Variants in FAM135B observed in about 807,000 individuals in gnomAD.
FAM135B encodes the protein protein FAM135B.
FAM135B carries 43 observed loss-of-function variants against 127.7 expected under a neutral mutation model. The ratio of observed to expected loss-of-function variants is 0.34; its 90% CI spans 0.26 to 0.43. FAM135B has a LOEUF of 0.43. Ranked by LOEUF, FAM135B falls within the 20% of genes least tolerant of loss-of-function variation. The pLI is 1.00. For synonymous variants in FAM135B, 670 were observed against 665.1 expected (o/e 1.01, Z -0.11); for missense variants, 1,558 against 1,725.6 (o/e 0.90, Z 1.72).
intron 1 of FAM135B, among the ~76,000 whole-genome samples, chr8:138,420,569 C>A (rs902899492): frequency 5.3e-5 from 8 of 151,828 alleles, no homozygotes; most frequent in Admixed American, 3.9e-4. Flanking sequence ...GAAAACAGTC[C>A]ACTATCCTTG....
At chr8:138,383,466 C>T (rs16909050) in intron 1 of FAM135B, among the ~76,000 whole-genome samples, 5,024 of 152,264 alleles carry the variant, frequency 0.033, 230 homozygotes, top group African/African-American at 0.11. Flanking sequence ...GGATCCCAAG[C>T]ATTCTGCTCT....
At chr8:138,449,844 C>T (rs971960640) in intron 1 of FAM135B, among the ~76,000 whole-genome samples, 6 of 152,136 alleles carry the variant, frequency 3.9e-5, no homozygotes, top group South Asian at 2.1e-4. Context: ...TCCGAGTTCA[C>T]ATTAGGATTC....
In FAM135B at chr8:138,335,045, AT is replaced by A. The variant is rs952465577; in HGVS notation, c.78-24126del. On this transcript the variant is annotated intron_variant, in intron 2 of 19. Transcript: ENST00000395297. ...CTTTGGTAATGATTCTGAGGAATAC[AT>A]TTTTTCTTATTCTGCATTTTCTAGT... 7.9e-5 allele frequency among the ~76,000 whole-genome samples: 12 copies of A among 152,274 alleles called. 1 individual carries two copies. The highest frequency in any genetic ancestry group is 2.9e-4 in the African/African-American group (12 of 41,546).
At chr8:138,258,983 A>G (rs1279376438) in intron 4 of FAM135B, among the ~76,000 whole-genome samples, 1 of 152,198 alleles carries the variant, frequency 6.6e-6, no homozygotes, top group African/African-American at 2.4e-5. Context: ...AAGAGTTATT[A>G]TTTGGCAGGT....
chr8:138,357,476 G>A (rs1385100556), intron 2 of FAM135B, among the ~76,000 whole-genome samples: 1 of 152,070 alleles, frequency 6.6e-6, no homozygotes, highest in Non-Finnish European at 1.5e-5. Flanking sequence ...ATATAAAATA[G>A]TTTGTGCCTA....
intron 3 of FAM135B, among the ~76,000 whole-genome samples, chr8:138,297,626 T>C (rs964783278): frequency 2.6e-5 from 4 of 152,196 alleles, no homozygotes; most frequent in African/African-American, 7.2e-5. Flanking sequence ...TCTAATCTTG[T>C]CACTGCTGCA....
intron 9 of FAM135B, among the ~76,000 whole-genome samples, chr8:138,186,281 T>G (rs1815565716): frequency 6.6e-6 from 1 of 152,226 alleles, no homozygotes; most frequent in Admixed American, 6.5e-5. Flanking sequence ...ATCTTCCATC[T>G]TTGTATAACC....
chr8:138,302,138 T>C (rs1418818017), intron 3 of FAM135B, among the ~76,000 whole-genome samples: 83 of 1,320 alleles, frequency 0.063, no homozygotes, highest in Non-Finnish European at 0.076. Context: ...GGAAGTGTTA[T>C]TATTATTATT....
At chr8:138,488,793 A>G (rs903226744) in intron 1 of FAM135B, among the ~76,000 whole-genome samples, 1 of 152,088 alleles carries the variant, frequency 6.6e-6, no homozygotes, top group Non-Finnish European at 1.5e-5. Flanking sequence ...CAGCTTCCCA[A>G]GTAGCTGGGA....
chr8:138,442,236 CCATATATATATA>C lies in FAM135B; in HGVS notation c.-20+54423_-20+54434del, dbSNP rs1462478322. ...AAATTTAACGTGAAGAATATGGACA[CCATATATATATA>C]TATATATATATATATATATATATAT... is the stretch of plus-strand genomic sequence containing the variant. On this transcript the variant is annotated intron_variant, in intron 1 of 19. Transcript: ENST00000395297. Among the ~76,000 whole-genome samples, 15 of 13,128 alleles carry C rather than the reference CCATATATATATA, an allele frequency of 1.1e-3. 1 individual carries two copies. Among genetic ancestry groups the C allele is most frequent in the Non-Finnish European group, 1.5e-3 (12 of 8,108 alleles). 8.6% of individuals were successfully genotyped at this position (13,128 alleles called of 152,430 possible).
chr8:138,199,070 T>C (rs1461161177), intron 7 of FAM135B, among the ~76,000 whole-genome samples: 1 of 152,186 alleles, frequency 6.6e-6, no homozygotes, highest in African/African-American at 2.4e-5. Context: ...CTGGAGATCC[T>C]TCTGCCTTGC....
At chr8:138,178,440 A>G in intron 10 of FAM135B, 95 bp downstream of exon 10, 1 of 1,435,978 alleles carries the variant, frequency 7.0e-7, no homozygotes, top group Admixed American at 1.8e-5. Flanking sequence ...GAAGATCTAG[A>G]GGCCAATCCT....
chr8:138,443,379 T>C (rs1835922373), intron 1 of FAM135B, among the ~76,000 whole-genome samples: 1 of 152,122 alleles, frequency 6.6e-6, no homozygotes, highest in African/African-American at 2.4e-5. Context: ...GAAAATATGA[T>C]CTGAACTCTT....
chr8:138,433,599 A>T (rs986708308), intron 1 of FAM135B, among the ~76,000 whole-genome samples: 12 of 152,044 alleles, frequency 7.9e-5, no homozygotes, highest in Non-Finnish European at 1.6e-4. Flanking sequence ...AAATAAATGT[A>T]ATCTCTATTT....
At chr8:138,361,810 C>G (rs1384367904) in intron 2 of FAM135B, among the ~76,000 whole-genome samples, 1 of 152,150 alleles carries the variant, frequency 6.6e-6, no homozygotes. Context: ...CACATCCATC[C>G]TTAAAGTGAC....
chr8:138,143,817 G>A (rs1817423421), intron 15 of FAM135B, among the ~76,000 whole-genome samples: 1 of 152,156 alleles, frequency 6.6e-6, no homozygotes, highest in Admixed American at 6.5e-5. Context: ...TAACACCATG[G>A]GCTGCCAAGA....
Position 138,132,594 on chromosome 8 carries a change from T to C in FAM135B, c.4220A>G (p.Ter1407TrpextTer3). 6.2e-7 allele frequency: 1 copy of C among 1,613,614 alleles called. No homozygotes were observed. Among genetic ancestry groups the C allele is most frequent in the Non-Finnish European group, 8.5e-7 (1 of 1,179,528 alleles). ...CAAAGACCTGCTCCCTCAAAGCCACTACTTGAAGTAGTTGAGTCCTGCCAC... is the reference window on the plus strand; with the variant it reads ...CAAAGACCTGCTCCCTCAAAGCCACCACTTGAAGTAGTTGAGTCCTGCCAC... ...FLVAGLNYFK* is the reference protein window; with the variant it reads ...FLVAGLNYFKW Residue 1407 changes from the stop codon to tryptophan (W), a stop_lost, in exon 20 of 20, where the codon TAG becomes TGG. Coordinates refer to ENST00000395297, the MANE Select transcript of FAM135B (RefSeq NM_015912.4). The surrounding 1 kb of genome is among the most constrained non-coding windows in gnomAD (Gnocchi z 4.5).
intron 12 of FAM135B, among the ~76,000 whole-genome samples, chr8:138,165,102 T>A (rs1819779847): frequency 6.7e-6 from 1 of 148,204 alleles, no homozygotes; most frequent in Non-Finnish European, 1.5e-5. Flanking sequence ...AGGGAATGAA[T>A]TTATTTATTT....
intron 2 of FAM135B, among the ~76,000 whole-genome samples, chr8:138,363,757 T>C (rs1830578330): frequency 6.6e-6 from 1 of 152,188 alleles, no homozygotes; most frequent in Admixed American, 6.5e-5. Flanking sequence ...CTTCTTTATC[T>C]TTATGCTTCC....
Sources: allele counts gnomAD v4.1 joint callset (sites outside exome capture counted in the v4.1 genomes callset), GRCh38; gene constraint gnomAD v4.1.1; non-coding constraint Gnocchi (gnomAD v3.1); transcripts MANE v1.5; gene names NCBI Gene and HGNC (gene_info 2026-07-23, HGNC 2026-07-21).